Variants in SCUBE3 observed in about 807,000 individuals in gnomAD.
SCUBE3 encodes signal peptide, CUB domain and EGF like domain containing 3.
A neutral mutation model predicts 116.8 loss-of-function variants in SCUBE3; 33 were observed. The observed-to-expected ratio is 0.28, with a 90% CI of 0.21 to 0.38. The LOEUF is 0.38. SCUBE3 is among the 10% of genes least tolerant of loss of function. The pLI, the probability that SCUBE3 is intolerant of heterozygous loss-of-function variation, is 1.00. For missense variants in SCUBE3, 1,007 were observed against 1,324.8 expected, an observed-to-expected ratio of 0.76 and a Z score of 3.72; for synonymous variants, 418 against 496.9, an observed-to-expected ratio of 0.84 and a Z score of 2.11.
Position 35,250,608 on chromosome 6 carries a change from C to G in SCUBE3, c.*1903C>G, listed in dbSNP as rs1016003920. The G allele has an allele frequency of 3.3e-5, 5 of 152,204 alleles. No homozygotes were observed. The highest frequency in any genetic ancestry group is 1.2e-4 in the African/African-American group (5 of 41,448). The allele number at this position is 152,204 out of a possible 1,614,324, so 9.4% of individuals were successfully genotyped here. A position where few individuals can be genotyped will look rare whatever the true frequency, so the allele number is the denominator to read the frequency against. On this transcript the variant is annotated 3_prime_UTR_variant, in exon 22 of 22. Transcript: ENST00000274938. ...AGCCTGCACACATTCTGCCCTTAAT[C>G]CAAGTGTTGCCTATAAAATTATTTT... is the stretch of plus-strand genomic sequence containing the variant.
rs1260354213 is a variant in SCUBE3 at position 35,241,943 on chromosome 6, C to T, written c.1417+33C>T. On this transcript the variant is annotated intron_variant, in intron 12 of 21. Transcript: ENST00000274938. This position sits in a 1 kb window ranked among gnomAD's most constrained non-coding sequence, Gnocchi z 4.1. ...CCAGCCCAGAAGCCCTGTTCCCACCCTACTCTCTTACATTAATCCCTTATT... is the reference window on the plus strand; with the variant it reads ...CCAGCCCAGAAGCCCTGTTCCCACCTTACTCTCTTACATTAATCCCTTATT... The T allele has an allele frequency of 2.1e-6, 3 of 1,398,192 alleles. No homozygotes were observed. The highest frequency in any genetic ancestry group is 3.0e-6 in the Non-Finnish European group (3 of 991,150). 86.6% of individuals were successfully genotyped at this position (1,398,192 alleles called of 1,614,324 possible).
intron 1 of SCUBE3, among the ~76,000 whole-genome samples, chr6:35,217,859 A>G (rs1455251555): frequency 2.0e-5 from 3 of 152,084 alleles, no homozygotes; most frequent in African/African-American, 7.2e-5. Context: ...GAAGGTGGAG[A>G]AGAGGGTGGA....
chr6:35,243,955 C>T lies in SCUBE3; in HGVS notation c.2072-8C>T. 1 of 1,612,612 alleles carries T rather than the reference C, an allele frequency of 6.2e-7. No homozygotes were observed. The highest frequency in any genetic ancestry group is 8.5e-7 in the Non-Finnish European group (1 of 1,179,082). ...CCCCATCAGAGTTGGGCCCTTGATT[C>T]ATTGCAGGTCAGTGCCCACCTGGCC... On this transcript the variant is annotated splice_region_variant and splice_polypyrimidine_tract_variant and intron_variant, in intron 16 of 21. Coordinates refer to ENST00000274938, the MANE Select transcript of SCUBE3 (RefSeq NM_152753.4). This position sits in a 1 kb window ranked among gnomAD's most constrained non-coding sequence, Gnocchi z 6.6.
chr6:35,214,020 C>T lies in SCUBE3; in HGVS notation c.-399C>T, dbSNP rs917136384. Among the ~76,000 whole-genome samples, 4 of 152,204 alleles carry T rather than the reference C, an allele frequency of 2.6e-5. No homozygotes were observed. Among genetic ancestry groups the T allele is most frequent in the African/African-American group, 9.6e-5 (4 of 41,466 alleles). ...TGGCGCTGCGTTTCCCCTCCCCTTTCTCAGGTCCTTCGCTCGGGCTCTGCG... is the reference window on the plus strand; with the variant it reads ...TGGCGCTGCGTTTCCCCTCCCCTTTTTCAGGTCCTTCGCTCGGGCTCTGCG... On this transcript the variant is annotated 5_prime_UTR_variant, in exon 1 of 22. Coordinates refer to ENST00000274938, the MANE Select transcript of SCUBE3 (RefSeq NM_152753.4). This position sits in a 1 kb window ranked among gnomAD's most constrained non-coding sequence, Gnocchi z 6.3.
At position 35,244,067 on chromosome 6, in the gene SCUBE3, TGTG is replaced by T. The variant is rs1784217705; in HGVS notation, c.2181_2183del (p.Gly729del). The T allele has an allele frequency of 1.9e-6, 3 of 1,614,086 alleles. No individual in the cohort carries two copies. The highest frequency in any genetic ancestry group is 2.5e-6 in the Non-Finnish European group (3 of 1,179,962). On this transcript the variant is annotated inframe_deletion, in exon 17 of 22. Transcript: ENST00000274938. This position sits in a 1 kb window ranked among gnomAD's most constrained non-coding sequence, Gnocchi z 4.3. ...AGCAGGACGGACCCTATGCTTCCCT[TGTG>T]GTGGGGGCCTCACCACCAAGCATGA...
At chr6:35,248,023 A>G (rs1784417594) in intron 21 of SCUBE3, among the ~76,000 whole-genome samples, 1 of 152,242 alleles carries the variant, frequency 6.6e-6, no homozygotes, top group Non-Finnish European at 1.5e-5. Flanking sequence ...AGGGAGCAAG[A>G]GTGGAGGTGG....
rs1460472845 is a variant in SCUBE3, at chr6:35,243,513, C to T, written c.1910-81C>T. On this transcript the variant is annotated intron_variant, in intron 15 of 21. Coordinates refer to ENST00000274938, the MANE Select transcript of SCUBE3 (RefSeq NM_152753.4). The surrounding 1 kb of genome is among the most constrained non-coding windows in gnomAD (Gnocchi z 6.6). ...ATTCTCCCTGAATCGGGGGTTGTGG[C>T]GGGGAGTGGGAAGGGGAGTCCCAGG... 13 of 1,267,944 alleles carry T rather than the reference C, an allele frequency of 1.0e-5. No individual in the cohort carries two copies. Among genetic ancestry groups the T allele is most frequent in the East Asian group, 5.2e-5 (2 of 38,524 alleles). The allele number at this position is 1,267,944 out of a possible 1,614,324, so 78.5% of individuals were successfully genotyped here. A position where few individuals can be genotyped will look rare whatever the true frequency, so the allele number is the denominator to read the frequency against.
At position 35,228,784 on chromosome 6, in the gene SCUBE3, A is replaced by T; in HGVS notation, c.334+45A>T. 6.3e-7 allele frequency: 1 copy of T among 1,594,366 alleles called. No homozygotes were observed. Among genetic ancestry groups the T allele is most frequent in the East Asian group, 2.2e-5 (1 of 44,714 alleles). ...TTTGGTGGAGGGATGTCTTGTGGAG[A>T]AAGAGATCTTTTCAGCATTTCCTAT... is the stretch of plus-strand genomic sequence containing the variant. On this transcript the variant is annotated intron_variant, in intron 3 of 21. Coordinates refer to ENST00000274938, the MANE Select transcript of SCUBE3 (RefSeq NM_152753.4). This position sits in a 1 kb window ranked among gnomAD's most constrained non-coding sequence, Gnocchi z 4.9.
Position 35,218,975 on chromosome 6 carries a change from C to T in SCUBE3, c.85+4472C>T, listed in dbSNP as rs183346059. 2.0e-5 allele frequency among the ~76,000 whole-genome samples: 3 copies of T among 152,292 alleles called. No individual in the cohort carries two copies. In the East Asian group the frequency reaches 5.8e-4, roughly 29 times the overall value. ...TAGGGTTCCCTGCAGCCCTGAGATT[C>T]TGCACATCTCACTGAAATCCTTCCT... is the stretch of plus-strand genomic sequence containing the variant. On this transcript the variant is annotated intron_variant, in intron 1 of 21. Coordinates refer to ENST00000274938, the MANE Select transcript of SCUBE3 (RefSeq NM_152753.4).
In SCUBE3 at chr6:35,248,579, C is replaced by T. The variant is rs1784445151; in HGVS notation, c.2856C>T (p.Phe952=). Residue 952 remains phenylalanine, a synonymous_variant, in exon 22 of 22, where the codon TTC becomes TTT. Transcript: ENST00000274938. ...AGGACAAGAAGCTCATCAAGGCCTT[C>T]TTTGAGGTGCTAGCCCACCCCCAGA... ...ILKDKKLIKA[F]FEVLAHPQNY... is the part of the protein sequence containing the mutation. 1 of 1,614,156 alleles carries T rather than the reference C, an allele frequency of 6.2e-7. No individual in the cohort carries two copies. Among genetic ancestry groups the T allele is most frequent in the South Asian group, 1.1e-5 (1 of 91,082 alleles).
In SCUBE3 at chr6:35,244,130, G is replaced by A. The variant is rs1242197997; in HGVS notation, c.2239G>A (p.Val747Ile). Reference sequence around the variant, plus strand: ...TTCCTTCCAAGACTGTGACACCAAAGGTGAGTAAGCTACTCACCTCCCTGG... The same window carrying A: ...TTCCTTCCAAGACTGTGACACCAAAAGTGAGTAAGCTACTCACCTCCCTGG... ...AISFQDCDTKVQCSPGHYYNT... is the reference protein window; with the variant it reads ...AISFQDCDTKIQCSPGHYYNT... The change falls in exon 17 of 22, where the codon GTC (valine) becomes ATC (isoleucine). Residue 747 changes from valine to isoleucine, a missense_variant and splice_region_variant. Val to Ile is a conservative substitution (Grantham distance 29). Transcript: ENST00000274938. The surrounding 1 kb of genome is among the most constrained non-coding windows in gnomAD (Gnocchi z 4.3). 3 of 1,612,860 alleles carry A rather than the reference G, an allele frequency of 1.9e-6. No homozygotes were observed. The highest frequency in any genetic ancestry group is 2.5e-6 in the Non-Finnish European group (3 of 1,179,326).
chr6:35,221,225 G>C (rs1205838023), intron 1 of SCUBE3: 1 of 152,194 alleles, frequency 6.6e-6, no homozygotes, highest in African/African-American at 2.4e-5. Flanking sequence ...AAAGATCCCT[G>C]TAGCAGCCCC....
Position 35,232,724 on chromosome 6 carries a change from C to T in SCUBE3, c.470-126C>T. The T allele has an allele frequency of 1.1e-6, 1 of 892,650 alleles. No individual in the cohort carries two copies. The highest frequency in any genetic ancestry group is 1.8e-6 in the Non-Finnish European group (1 of 567,080). The allele number at this position is 892,650 out of a possible 1,614,324, so 55.3% of individuals were successfully genotyped here. A position where few individuals can be genotyped will look rare whatever the true frequency, so the allele number is the denominator to read the frequency against. On this transcript the variant is annotated intron_variant, in intron 4 of 21. Coordinates refer to ENST00000274938, the MANE Select transcript of SCUBE3 (RefSeq NM_152753.4). This position sits in a 1 kb window ranked among gnomAD's most constrained non-coding sequence, Gnocchi z 4.2. Reference sequence around the variant, plus strand: ...AGGCCTGGGACAAGGAGAGTCAGTCCCCTCGTGTTGAATTCAACCTCAGTA... The same window carrying T: ...AGGCCTGGGACAAGGAGAGTCAGTCTCCTCGTGTTGAATTCAACCTCAGTA...
chr6:35,243,810 T>C lies in SCUBE3; in HGVS notation c.2071+55T>C. On this transcript the variant is annotated intron_variant, in intron 16 of 21. Transcript: ENST00000274938. The surrounding 1 kb of genome is among the most constrained non-coding windows in gnomAD (Gnocchi z 6.6). ...GGTAGGGTGGGCACTGGGATGCCCATGGGCATGGGATTTCCCAAAGGGCAG... is the reference window on the plus strand; with the variant it reads ...GGTAGGGTGGGCACTGGGATGCCCACGGGCATGGGATTTCCCAAAGGGCAG... The C allele has an allele frequency of 1.3e-6, 2 of 1,571,000 alleles. No individual in the cohort carries two copies. The highest frequency in any genetic ancestry group is 1.7e-6 in the Non-Finnish European group (2 of 1,145,216).
chr6:35,239,607 GA>G lies in SCUBE3; in HGVS notation c.830-142del. The G allele has an allele frequency of 1.4e-6, 1 of 694,282 alleles. No individual in the cohort carries two copies. The highest frequency in any genetic ancestry group is 2.4e-6 in the Non-Finnish European group (1 of 411,022). The allele number at this position is 694,282 out of a possible 1,614,324, so 43.0% of individuals were successfully genotyped here. A position where few individuals can be genotyped will look rare whatever the true frequency, so the allele number is the denominator to read the frequency against. ...GAGAGAGAGACAGGAAAGAGAAAGAGAAAGAGACAGAGAGAGATCAAGAAGA... is the reference window on the plus strand; with the variant it reads ...GAGAGAGAGACAGGAAAGAGAAAGAGAAGAGACAGAGAGAGATCAAGAAGA... On this transcript the variant is annotated intron_variant, in intron 7 of 21. Coordinates refer to ENST00000274938, the MANE Select transcript of SCUBE3 (RefSeq NM_152753.4). This position sits in a 1 kb window ranked among gnomAD's most constrained non-coding sequence, Gnocchi z 4.1.
At chr6:35,230,658 G>T (rs541322876) in intron 3 of SCUBE3, among the ~76,000 whole-genome samples, 2 of 152,328 alleles carry the variant, frequency 1.3e-5, no homozygotes, top group Admixed American at 1.3e-4. Flanking sequence ...CAGGAGCAAA[G>T]CACAGGAAAG....
In SCUBE3 at chr6:35,244,882, T is replaced by C. The variant is rs1486075424; in HGVS notation, c.2401+71T>C. ...GAGCAGTGGACATCTAAAGGAGGGGTGTGAAACCAACAGGGAGCAGGGCTG... is the reference window on the plus strand; with the variant it reads ...GAGCAGTGGACATCTAAAGGAGGGGCGTGAAACCAACAGGGAGCAGGGCTG... On this transcript the variant is annotated intron_variant, in intron 18 of 21. Transcript: ENST00000274938. This position sits in a 1 kb window ranked among gnomAD's most constrained non-coding sequence, Gnocchi z 4.3. 1 of 1,481,150 alleles carries C rather than the reference T, an allele frequency of 6.8e-7. No homozygotes were observed. Among genetic ancestry groups the C allele is most frequent in the East Asian group, 2.3e-5 (1 of 44,142 alleles). 91.8% of individuals were successfully genotyped at this position (1,481,150 alleles called of 1,614,324 possible). A position where few individuals can be genotyped will look rare whatever the true frequency, so the allele number is the denominator to read the frequency against.
rs950010529 is a variant in SCUBE3, at chr6:35,234,492, T to C, written c.712+1191T>C. Among the ~76,000 whole-genome samples the C allele has an allele frequency of 1.6e-4, 25 of 152,208 alleles. 1 individual carries two copies. The highest frequency in any genetic ancestry group is 1.4e-3 in the Admixed American group (22 of 15,286). ...CACATCCATTTCTAAAGTCCCTATA[T>C]AATTAAAATCTCCCCTGCCACGTTT... On this transcript the variant is annotated intron_variant, in intron 6 of 21. Transcript: ENST00000274938.
Position 35,227,633 on chromosome 6 carries a change from C to G in SCUBE3, c.139C>G (p.Gln47Glu). 6.2e-7 allele frequency: 1 copy of G among 1,614,084 alleles called. No individual in the cohort carries two copies. Among genetic ancestry groups the G allele is most frequent in the African/African-American group, 1.3e-5 (1 of 75,028 alleles). ...CAACTGCCACATCGATGCTATCTGC[C>G]AGAACACCCCGAGGTCATACAAGTG... ...TDNCHIDAIC[Q>E]NTPRSYKCIC... Residue 47 changes from glutamine (Q) to glutamate (E), a missense_variant, in exon 2 of 22, where the codon CAG becomes GAG. Gln to Glu is a conservative substitution (Grantham distance 29, BLOSUM62 2). This residue lies in a region of SCUBE3 where 94 missense variants were observed against 92.0 expected (regional missense o/e 1.02). Transcript: ENST00000274938.
Sources: allele counts gnomAD v4.1 joint callset (sites outside exome capture counted in the v4.1 genomes callset), GRCh38; gene constraint gnomAD v4.1.1; regional missense constraint gnomAD v4.1.1; non-coding constraint Gnocchi (gnomAD v3.1); transcripts MANE v1.5; gene names NCBI Gene and HGNC (gene_info 2026-07-23, HGNC 2026-07-21).